Variants in SYNRG observed in about 807,000 individuals in gnomAD.
SYNRG encodes synergin gamma.
A neutral mutation model predicts 130.9 loss-of-function variants in SYNRG; 37 were observed. The ratio of observed to expected loss-of-function variants is 0.28; its 90% CI spans 0.22 to 0.37. SYNRG has a LOEUF of 0.37. Among genes scored for constraint, SYNRG ranks in the 10% least tolerant of loss-of-function variants. SYNRG has a pLI of 1.00. For synonymous variants in SYNRG, 539 were observed against 568.1 expected (o/e 0.95, Z 0.73); for missense variants, 1,338 against 1,588.9 (o/e 0.84, Z 2.68).
Position 37,522,696 on chromosome 17 carries a change from A to G in SYNRG, c.3667-2048T>C, listed in dbSNP as rs1199186237. Among the ~76,000 whole-genome samples, 7 of 140,430 alleles carry G rather than the reference A, an allele frequency of 5.0e-5. No homozygotes were observed. The East Asian group carries it at 1.0e-3, about 21-fold the overall frequency. The allele number at this position is 140,430 out of a possible 152,430, so 92.1% of individuals were successfully genotyped here. ...TGCTCTGTAGCCCAGGCTGGAGTGCAGTGGCGCAATCTCGGCTCACTGCAA... is the reference window on the plus strand; with the variant it reads ...TGCTCTGTAGCCCAGGCTGGAGTGCGGTGGCGCAATCTCGGCTCACTGCAA... On this transcript the variant is annotated intron_variant, in intron 19 of 21. Transcript: ENST00000612223.
At chr17:37,600,278 C>G in intron 2 of SYNRG, 85 bp downstream of exon 2, 1 of 1,272,748 alleles carries the variant, frequency 7.9e-7, no homozygotes, top group Non-Finnish European at 1.1e-6. Context: ...AGCAACAGAA[C>G]TTATTTTCTA....
intron 19 of SYNRG, among the ~76,000 whole-genome samples, chr17:37,525,697 G>A (rs1016990092): frequency 1.3e-5 from 2 of 152,230 alleles, no homozygotes; most frequent in African/African-American, 2.4e-5. Flanking sequence ...GCCGGGAGCG[G>A]TGGCTCACAC....
chr17:37,557,627 C>A (rs931989809), intron 13 of SYNRG, among the ~76,000 whole-genome samples: 1 of 152,060 alleles, frequency 6.6e-6, no homozygotes, highest in African/African-American at 2.4e-5. Context: ...ACTTGTAATC[C>A]CAGCATTTTG....
chr17:37,523,089 G>A (rs1377525580), intron 19 of SYNRG, among the ~76,000 whole-genome samples: 4 of 152,150 alleles, frequency 2.6e-5, no homozygotes, highest in Non-Finnish European at 5.9e-5. Context: ...TAAAATTTAA[G>A]AACTAGAATG....
chr17:37,578,133 C>A (rs181214810), intron 6 of SYNRG, among the ~76,000 whole-genome samples: 1 of 151,860 alleles, frequency 6.6e-6, no homozygotes, highest in Non-Finnish European at 1.5e-5. Context: ...AGTTCAAGAC[C>A]AGCCTGACCC....
At chr17:37,591,617 G>C (rs1313862823) in intron 3 of SYNRG, among the ~76,000 whole-genome samples, 2 of 152,158 alleles carry the variant, frequency 1.3e-5, no homozygotes, top group Non-Finnish European at 2.9e-5. Flanking sequence ...TAAAACAATA[G>C]AACAGAACAG....
At chr17:37,548,312 T>C (rs747662813) in intron 14 of SYNRG, among the ~76,000 whole-genome samples, 14 of 152,154 alleles carry the variant, frequency 9.2e-5, no homozygotes, top group African/African-American at 3.4e-4. Flanking sequence ...GAAGCACATA[T>C]CATAAATAAA....
At chr17:37,534,342 A>AT (rs913514950) in intron 19 of SYNRG, among the ~76,000 whole-genome samples, 2 of 152,174 alleles carry the variant, frequency 1.3e-5, no homozygotes, top group African/African-American at 2.4e-5. Context: ...ATTAAAAAAT[A>AT]TTTTTTTATC....
chr17:37,578,570 T>C (rs565034996), intron 6 of SYNRG, among the ~76,000 whole-genome samples: 1 of 152,214 alleles, frequency 6.6e-6, no homozygotes, highest in Admixed American at 6.5e-5. Context: ...AACATCATCA[T>C]CATCTCTTGG....
At chr17:37,551,299 T>C (rs2058690371) in intron 14 of SYNRG, among the ~76,000 whole-genome samples, 1 of 152,170 alleles carries the variant, frequency 6.6e-6, no homozygotes, top group African/African-American at 2.4e-5. Flanking sequence ...ACAACAGCAA[T>C]ATAGCGCATT....
chr17:37,577,392 T>G lies in SYNRG; in HGVS notation c.811A>C (p.Ile271Leu). The G allele has an allele frequency of 6.2e-7, 1 of 1,614,222 alleles. No homozygotes were observed. Among genetic ancestry groups the G allele is most frequent in the South Asian group, 1.1e-5 (1 of 91,090 alleles). The stretch of plus-strand genomic sequence containing the variant: ...TTCACGAGCTCACCACTCTCTTCAA[T>G]TGACAGGTTTTGATCTGAAGTATTT... Reference protein sequence around the residue: ...AENTSDQNLSIEESGVGVFPS... With the variant: ...AENTSDQNLSLEESGVGVFPS... The change falls in exon 7 of 22, where the codon ATT becomes CTT. Residue 271 changes from isoleucine to leucine, a missense_variant. By Grantham distance (5) the Ile-to-Leu change is conservative. Around this residue, in one of 3 missense-constraint regions of SYNRG, gnomAD observed 1,146 missense variants for 1,342.3 expected, o/e 0.85. Coordinates refer to ENST00000612223, the MANE Select transcript of SYNRG (RefSeq NM_007247.6).
intron 1 of SYNRG, among the ~76,000 whole-genome samples, chr17:37,602,717 A>T (rs1276340079): frequency 6.6e-6 from 1 of 152,156 alleles, no homozygotes; most frequent in East Asian, 1.9e-4. Flanking sequence ...AGGAAATGGG[A>T]TTAACACGCG....
chr17:37,590,238 G>A (rs986567264), intron 3 of SYNRG, among the ~76,000 whole-genome samples: 1 of 150,100 alleles, frequency 6.7e-6, no homozygotes, highest in African/African-American at 2.4e-5. Context: ...AGGTAGGGAA[G>A]AATGTCTTAG....
chr17:37,577,143 T>C (rs914523941), intron 7 of SYNRG, among the ~76,000 whole-genome samples: 10 of 152,174 alleles, frequency 6.6e-5, no homozygotes, highest in African/African-American at 2.2e-4. Context: ...CAGAAATGAT[T>C]CCAATTAAGA....
intron 8 of SYNRG, among the ~76,000 whole-genome samples, chr17:37,575,013 T>G (rs1196197317): frequency 1.3e-5 from 2 of 152,112 alleles, no homozygotes; most frequent in Non-Finnish European, 2.9e-5. Context: ...TGGTTGGAAC[T>G]GGAGGACACT....
chr17:37,519,113 T>C, intron 21 of SYNRG, 42 bp from the exon 22 acceptor site: 1 of 1,602,648 alleles, frequency 6.2e-7, no homozygotes, highest in Non-Finnish European at 8.5e-7. Context: ...TCAGGCTTTT[T>C]CTGCATCTCA....
At chr17:37,588,629 T>C (rs1241860055) in intron 3 of SYNRG, among the ~76,000 whole-genome samples, 1 of 152,230 alleles carries the variant, frequency 6.6e-6, no homozygotes, top group Non-Finnish European at 1.5e-5. Context: ...ATTGGTTTAT[T>C]GCTAACATTC....
intron 7 of SYNRG, 91 bp downstream of exon 7, chr17:37,577,289 C>G: frequency 1.7e-6 from 2 of 1,186,994 alleles, no homozygotes; most frequent in Non-Finnish European, 2.4e-6. Context: ...CAAAATCAAG[C>G]AGCATTCATT....
chr17:37,608,837 G>A (rs544301718), intron 1 of SYNRG, among the ~76,000 whole-genome samples: 106 of 152,234 alleles, frequency 7.0e-4, no homozygotes, highest in African/African-American at 2.5e-3. Context: ...ACCCCCCTTG[G>A]AAACAGTCCT....
Sources: allele counts gnomAD v4.1 joint callset (sites outside exome capture counted in the v4.1 genomes callset), GRCh38; gene constraint gnomAD v4.1.1; regional missense constraint gnomAD v4.1.1; transcripts MANE v1.5; gene names NCBI Gene and HGNC (gene_info 2026-07-23, HGNC 2026-07-21).